ADGRA3: variants seen among roughly 807,000 people sequenced by gnomAD.
ADGRA3 encodes adhesion G protein-coupled receptor A3, also known as G-protein coupled receptor 125.
A neutral mutation model predicts 119.8 loss-of-function variants in ADGRA3; 56 were observed. That is an observed-to-expected ratio of 0.47 (90% CI 0.38 to 0.58). The LOEUF (loss-of-function observed/expected upper bound fraction) is 0.58. ADGRA3 is among the 20% of genes least tolerant of loss of function. ADGRA3 has a pLI of 0.00. For missense variants in ADGRA3, 1,516 were observed against 1,649.0 expected, an observed-to-expected ratio of 0.92 and a Z score of 1.40; for synonymous variants, 607 against 623.8, an observed-to-expected ratio of 0.97 and a Z score of 0.40.
intron 17 of ADGRA3, among the ~76,000 whole-genome samples, chr4:22,391,587 G>A (rs1169574247): frequency 6.6e-6 from 1 of 150,694 alleles, no homozygotes; most frequent in African/African-American, 2.5e-5. Context: ...CTTGTTCTTA[G>A]GAATTCTGAT....
At chr4:22,502,886 C>T (rs972934603) in intron 1 of ADGRA3, among the ~76,000 whole-genome samples, 9 of 92,376 alleles carry the variant, frequency 9.7e-5, no homozygotes, top group African/African-American at 3.9e-4. Flanking sequence ...ACCAGTCCTA[C>T]TTAAGGGAAA....
At chr4:22,481,064 T>C (rs1285167266) in intron 1 of ADGRA3, among the ~76,000 whole-genome samples, 3 of 152,134 alleles carry the variant, frequency 2.0e-5, no homozygotes, top group Non-Finnish European at 4.4e-5. Context: ...TTCCACACCT[T>C]GACATTTCTG....
chr4:22,510,694 T>C (rs879344185), intron 1 of ADGRA3, among the ~76,000 whole-genome samples: 9 of 152,034 alleles, frequency 5.9e-5, no homozygotes, highest in Non-Finnish European at 1.2e-4. Flanking sequence ...CCGAATGCCT[T>C]CTCCCCACTC....
At chr4:22,474,086 G>A (rs1717955677) in intron 1 of ADGRA3, among the ~76,000 whole-genome samples, 1 of 152,100 alleles carries the variant, frequency 6.6e-6, no homozygotes, top group Non-Finnish European at 1.5e-5. Context: ...AAAACTTTAA[G>A]AGAGAAAAGT....
chr4:22,508,993 C>G (rs1212798676), intron 1 of ADGRA3, among the ~76,000 whole-genome samples: 2 of 152,080 alleles, frequency 1.3e-5, no homozygotes, highest in African/African-American at 4.8e-5. Flanking sequence ...TGCCTTGACA[C>G]CCATGTTCCA....
At chr4:22,397,748 C>T (rs1714425618) in intron 16 of ADGRA3, among the ~76,000 whole-genome samples, 1 of 152,116 alleles carries the variant, frequency 6.6e-6, no homozygotes, top group African/African-American at 2.4e-5. Context: ...TTCCCCTGCA[C>T]ATGCGCTCTC....
chr4:22,454,271 A>C (rs1174397105), intron 4 of ADGRA3, among the ~76,000 whole-genome samples: 1 of 152,186 alleles, frequency 6.6e-6, no homozygotes, highest in Non-Finnish European at 1.5e-5. Flanking sequence ...TAGATAACTT[A>C]AATTTTAAAT....
intron 10 of ADGRA3, among the ~76,000 whole-genome samples, chr4:22,433,085 T>G (rs1434752464): frequency 6.6e-6 from 1 of 152,204 alleles, no homozygotes; most frequent in Non-Finnish European, 1.5e-5. Flanking sequence ...AAGAACTGTA[T>G]GTCAGTCACT....
intron 2 of ADGRA3, among the ~76,000 whole-genome samples, chr4:22,464,723 T>C (rs1255770200): frequency 1.3e-5 from 2 of 152,118 alleles, no homozygotes; most frequent in African/African-American, 4.8e-5. Context: ...TGAATGGCCA[T>C]AGGAAGAGTC....
chr4:22,435,425 C>G lies in ADGRA3; in HGVS notation c.1329G>C (p.Gln443His), dbSNP rs754227219. Residue 443 changes from glutamine to histidine, a missense_variant, in exon 10 of 19, where the codon CAG becomes CAC. By Grantham distance (24) the Gln-to-His change is conservative (BLOSUM62 0). Coordinates refer to ENST00000334304, the MANE Select transcript of ADGRA3 (RefSeq NM_145290.4). ...CTGCTTCCACAGTGTAAGCCAGTAA[C>G]TGTCGAGCTGTTGCCACGGCATTGG... ...NLTNAVATARQLLAYTVEAAN... is the reference protein window; with the variant it reads ...NLTNAVATARHLLAYTVEAAN... The G allele has an allele frequency of 1.2e-6, 2 of 1,608,374 alleles. No individual in the cohort carries two copies. Among genetic ancestry groups the G allele is most frequent in the Non-Finnish European group, 1.7e-6 (2 of 1,175,650 alleles).
intron 2 of ADGRA3, among the ~76,000 whole-genome samples, chr4:22,462,675 T>C (rs1717509729): frequency 6.6e-6 from 1 of 152,194 alleles, no homozygotes; most frequent in Non-Finnish European, 1.5e-5. Flanking sequence ...ACACAATATA[T>C]AGCTCAAAGC....
chr4:22,454,127 C>T (rs1717162416), intron 4 of ADGRA3, among the ~76,000 whole-genome samples: 1 of 152,162 alleles, frequency 6.6e-6, no homozygotes, highest in Non-Finnish European at 1.5e-5. Flanking sequence ...TCGCAAAGTG[C>T]TGGGATTACA....
At chr4:22,428,816 G>A (rs1716044902) in intron 10 of ADGRA3, among the ~76,000 whole-genome samples, 1 of 152,154 alleles carries the variant, frequency 6.6e-6, no homozygotes, top group South Asian at 2.1e-4. Flanking sequence ...TTCTCAGCAG[G>A]TTGCTTAGGT....
At chr4:22,390,700 A>G (rs1391003700) in intron 17 of ADGRA3, among the ~76,000 whole-genome samples, 3 of 151,878 alleles carry the variant, frequency 2.0e-5, no homozygotes, top group Non-Finnish European at 2.9e-5. Flanking sequence ...CATAAGCTCA[A>G]GGATATGGGG....
intron 3 of ADGRA3, among the ~76,000 whole-genome samples, chr4:22,459,520 C>T (rs918367284): frequency 1.3e-5 from 2 of 151,524 alleles, no homozygotes; most frequent in Non-Finnish European, 2.9e-5. Flanking sequence ...ATAAGACAGA[C>T]GATGTCAAAA....
At chr4:22,411,581 C>A (rs1715202429) in intron 14 of ADGRA3, among the ~76,000 whole-genome samples, 1 of 151,998 alleles carries the variant, frequency 6.6e-6, no homozygotes, top group Non-Finnish European at 1.5e-5. Context: ...CCTGGGCAAC[C>A]TGAGTGAGAC....
intron 16 of ADGRA3, chr4:22,394,804 GTTTACTCT>G (rs1714283683): frequency 6.6e-6 from 1 of 152,156 alleles, no homozygotes; most frequent in Non-Finnish European, 1.5e-5. Flanking sequence ...TCCAGAGGAG[GTTTACTCT>G]TAAAGATACT....
intron 3 of ADGRA3, chr4:22,455,810 C>G (rs1416232206): frequency 2.3e-6 from 3 of 1,288,236 alleles, no homozygotes; most frequent in Non-Finnish European, 3.0e-6. Context: ...GTAACTTACA[C>G]CTGGCATGGC....
intron 1 of ADGRA3, among the ~76,000 whole-genome samples, chr4:22,495,339 G>A (rs534729106): frequency 9.2e-5 from 14 of 152,104 alleles, no homozygotes; most frequent in Non-Finnish European, 1.9e-4. Context: ...ATTGAGAGTC[G>A]GATCGCAGGG....
Sources: allele counts gnomAD v4.1 joint callset (sites outside exome capture counted in the v4.1 genomes callset), GRCh38; gene constraint gnomAD v4.1.1; transcripts MANE v1.5; gene names NCBI Gene and HGNC (gene_info 2026-07-23, HGNC 2026-07-21).